Variants in HEPACAM observed in about 807,000 individuals in gnomAD.
The protein encoded by HEPACAM is hepatocyte cell adhesion molecule.
In HEPACAM, 18 loss-of-function variants were observed where a neutral mutation model predicts 38.3. The ratio of observed to expected loss-of-function variants is 0.47; its 90% CI spans 0.33 to 0.70. The LOEUF (loss-of-function observed/expected upper bound fraction) is 0.70, where lower values mean the gene tolerates loss of function less well. HEPACAM is among the 30% of genes least tolerant of loss of function. The probability of loss-of-function intolerance (pLI) is 0.03; values close to 1 mark genes in which losing one functional copy is unlikely to be tolerated. For missense variants in HEPACAM, 466 were observed against 563.0 expected, an observed-to-expected ratio of 0.83 and a Z score of 1.74; for synonymous variants, 216 against 243.1, an observed-to-expected ratio of 0.89 and a Z score of 1.04.
In HEPACAM at chr11:124,924,896, C is replaced by T. The variant is rs142346902; in HGVS notation, c.259G>A (p.Val87Ile). 8.9e-5 allele frequency: 143 copies of T among 1,614,196 alleles called. 1 individual carries two copies. In the African/African-American group the frequency reaches 1.6e-3, roughly 18 times the overall value. The change falls in exon 2 of 7, where the codon GTC (valine) becomes ATC (isoleucine). Residue 87 changes from valine (V) to isoleucine (I), a missense_variant. By Grantham distance (29) the Val-to-Ile change is conservative. Transcript: ENST00000298251. This position sits in a 1 kb window ranked among gnomAD's most constrained non-coding sequence, Gnocchi z 4.4. ...TAGTCAGGCCGCAGGGTGCCGATGA[C>T]CTCTGTGCCAATGGACTGCACCACG... ...VTVVQSIGTE[V>I]IGTLRPDYRD...
In HEPACAM at chr11:124,921,259, G is replaced by A. The variant is rs1420291553; in HGVS notation, c.1130C>T (p.Ser377Leu). The change falls in exon 7 of 7, where the codon TCG (serine) becomes TTG (leucine). Residue 377 changes from serine to leucine, a missense_variant. Physicochemically the swap from Ser to Leu is moderately radical, Grantham distance 145 (BLOSUM62 -2). Coordinates refer to ENST00000298251, the MANE Select transcript of HEPACAM (RefSeq NM_152722.5). The surrounding 1 kb of genome is among the most constrained non-coding windows in gnomAD (Gnocchi z 4.6). ...GGGCGAGCTCGGGGCCCTGGGCGGC[G>A]ACGAGTGTGTCCGGCCGGTGGCTGG... ...RSPATGRTHSSPPRAPSSPGR... is the reference protein window; with the variant it reads ...RSPATGRTHSLPPRAPSSPGR... 5.6e-6 allele frequency: 8 copies of A among 1,418,290 alleles called. No individual in the cohort carries two copies. The highest frequency in any genetic ancestry group is 7.3e-6 in the Non-Finnish European group (8 of 1,091,194). 87.9% of individuals were successfully genotyped at this position (1,418,290 alleles called of 1,614,324 possible).
At position 124,921,531 on chromosome 11, in the gene HEPACAM, G is replaced by T; in HGVS notation, c.949-91C>A. 1 of 850,440 alleles carries T rather than the reference G, an allele frequency of 1.2e-6. No individual in the cohort carries two copies. The highest frequency in any genetic ancestry group is 1.8e-5 in the African/African-American group (1 of 56,948). The allele number at this position is 850,440 out of a possible 1,614,324, so 52.7% of individuals were successfully genotyped here. Reference sequence around the variant, plus strand: ...AGAGCTTGCTGGAATTCCGAGGGGAGGGACCTAGTTTCCCTCTGCACGCCC... The same window carrying T: ...AGAGCTTGCTGGAATTCCGAGGGGATGGACCTAGTTTCCCTCTGCACGCCC... On this transcript the variant is annotated intron_variant, in intron 6 of 6. Transcript: ENST00000298251. This position sits in a 1 kb window ranked among gnomAD's most constrained non-coding sequence, Gnocchi z 4.6.
chr11:124,935,127 T>A (rs1283586601), intron 1 of HEPACAM, among the ~76,000 whole-genome samples: 1 of 152,162 alleles, frequency 6.6e-6, no homozygotes, highest in African/African-American at 2.4e-5. Flanking sequence ...TCCCACACCC[T>A]GTGTCCTACC....
intron 1 of HEPACAM, among the ~76,000 whole-genome samples, chr11:124,933,801 T>C (rs1311290590): frequency 6.6e-6 from 1 of 152,184 alleles, no homozygotes; most frequent in Admixed American, 6.5e-5. Flanking sequence ...ACAACTTCAA[T>C]GGTATTGATC....
intron 1 of HEPACAM, among the ~76,000 whole-genome samples, chr11:124,932,094 G>C (rs1947287161): frequency 6.6e-6 from 1 of 152,210 alleles, no homozygotes; most frequent in Non-Finnish European, 1.5e-5. Flanking sequence ...TAGTATGAGG[G>C]TGATTCTGAG....
chr11:124,926,706 C>T (rs1395726755), intron 1 of HEPACAM, among the ~76,000 whole-genome samples: 1 of 152,130 alleles, frequency 6.6e-6, no homozygotes, highest in African/African-American at 2.4e-5. Flanking sequence ...CTGAAGCTCC[C>T]TCATTCTTTC....
In HEPACAM at chr11:124,924,634, G is replaced by T; in HGVS notation, c.427+94C>A. The T allele has an allele frequency of 8.7e-7, 1 of 1,146,302 alleles. No homozygotes were observed. The allele number at this position is 1,146,302 out of a possible 1,614,324, so 71.0% of individuals were successfully genotyped here. A position where few individuals can be genotyped will look rare whatever the true frequency, so the allele number is the denominator to read the frequency against. The stretch of plus-strand genomic sequence containing the variant: ...ATTCTCAGCTCCCAAGTGCCTTTTG[G>T]GTTGGTTTTCCCTCAGTCTAGCTGG... On this transcript the variant is annotated intron_variant, in intron 2 of 6. Coordinates refer to ENST00000298251, the MANE Select transcript of HEPACAM (RefSeq NM_152722.5). The surrounding 1 kb of genome is among the most constrained non-coding windows in gnomAD (Gnocchi z 4.4).
In HEPACAM at chr11:124,924,789, G is replaced by C; in HGVS notation, c.366C>G (p.Val122=). The change falls in exon 2 of 7, where the codon GTC becomes GTG. Residue 122 remains valine, a synonymous_variant. Coordinates refer to ENST00000298251, the MANE Select transcript of HEPACAM (RefSeq NM_152722.5). This position sits in a 1 kb window ranked among gnomAD's most constrained non-coding sequence, Gnocchi z 4.4. ...AGGTGTCGTCGGTGATGGAGATCTC[G>C]ACCTCATAGGTGCCCTCATCGGCCA... ...LQLADEGTYE[V]EISITDDTFT... 6.2e-7 allele frequency: 1 copy of C among 1,614,066 alleles called. No homozygotes were observed. The highest frequency in any genetic ancestry group is 8.5e-7 in the Non-Finnish European group (1 of 1,180,010).
Position 124,919,450 on chromosome 11 carries a change from C to A in HEPACAM, c.*1688G>T. On this transcript the variant is annotated 3_prime_UTR_variant, in exon 7 of 7. Transcript: ENST00000298251. ...TCAGCACCAGGGTATGGCATGTTCT[C>A]ATCTCACCCTAACCTTCACCTGTGC... 1 of 405,530 alleles carries A rather than the reference C, an allele frequency of 2.5e-6. No homozygotes were observed. The highest frequency in any genetic ancestry group is 4.5e-6 in the Non-Finnish European group (1 of 223,092). The allele number at this position is 405,530 out of a possible 1,614,324, so 25.1% of individuals were successfully genotyped here.
In HEPACAM at chr11:124,921,224, G is replaced by A; in HGVS notation, c.1165C>T (p.Arg389Cys). ...GTCCGCAGTGTGCGCGAGGCGCTGCGCGAGCGGCCGGGCGAGCTCGGGGCC... is the reference window on the plus strand; with the variant it reads ...GTCCGCAGTGTGCGCGAGGCGCTGCACGAGCGGCCGGGCGAGCTCGGGGCC... ...PRAPSSPGRS[R>C]SASRTLRTAG... The change falls in exon 7 of 7, where the codon CGC becomes TGC. Residue 389 changes from arginine (R) to cysteine (C), a missense_variant. Coordinates refer to ENST00000298251, the MANE Select transcript of HEPACAM (RefSeq NM_152722.5). This position sits in a 1 kb window ranked among gnomAD's most constrained non-coding sequence, Gnocchi z 4.6. 1 of 1,474,894 alleles carries A rather than the reference G, an allele frequency of 6.8e-7. No homozygotes were observed. Among genetic ancestry groups the A allele is most frequent in the Non-Finnish European group, 8.9e-7 (1 of 1,119,440 alleles). 91.4% of individuals were successfully genotyped at this position (1,474,894 alleles called of 1,614,324 possible). A position where few individuals can be genotyped will look rare whatever the true frequency, so the allele number is the denominator to read the frequency against.
intron 1 of HEPACAM, among the ~76,000 whole-genome samples, chr11:124,935,034 C>T (rs1205925610): frequency 1.3e-5 from 2 of 152,134 alleles, no homozygotes; most frequent in African/African-American, 4.8e-5. Context: ...AACCCTAACA[C>T]CCACTTATAC....
At chr11:124,929,635 TC>T (rs1191558573) in intron 1 of HEPACAM, among the ~76,000 whole-genome samples, 1 of 152,090 alleles carries the variant, frequency 6.6e-6, no homozygotes, top group Non-Finnish European at 1.5e-5. Flanking sequence ...AAGTTTCTCT[TC>T]CCACCAGAGG....
chr11:124,924,109 C>T lies in HEPACAM; in HGVS notation c.428-99G>A. The T allele has an allele frequency of 3.5e-6, 4 of 1,140,622 alleles. No individual in the cohort carries two copies. Among genetic ancestry groups the T allele is most frequent in the African/African-American group, 1.5e-5 (1 of 65,498 alleles). 70.7% of individuals were successfully genotyped at this position (1,140,622 alleles called of 1,614,324 possible). A position where few individuals can be genotyped will look rare whatever the true frequency, so the allele number is the denominator to read the frequency against. On this transcript the variant is annotated intron_variant, in intron 2 of 6. Transcript: ENST00000298251. This position sits in a 1 kb window ranked among gnomAD's most constrained non-coding sequence, Gnocchi z 4.4. ...CCTTCCAACACACCTTTAACACTAC[C>T]TTCCAACTCAATCTGTGGGCTGAGA...
Position 124,924,799 on chromosome 11 carries a change from G to C in HEPACAM, c.356C>G (p.Thr119Ser). The change falls in exon 2 of 7, where the codon ACC becomes AGC. Residue 119 changes from threonine to serine, a missense_variant. Thr to Ser is a moderately conservative substitution (Grantham distance 58). Coordinates refer to ENST00000298251, the MANE Select transcript of HEPACAM (RefSeq NM_152722.5). The surrounding 1 kb of genome is among the most constrained non-coding windows in gnomAD (Gnocchi z 4.4). The part of the protein sequence containing the change: ...LSDLQLADEG[T>S]YEVEISITDD... ...GGTGATGGAGATCTCGACCTCATAG[G>C]TGCCCTCATCGGCCAGCTGCAGGTC... 6.2e-7 allele frequency: 1 copy of C among 1,614,146 alleles called. No individual in the cohort carries two copies. Among genetic ancestry groups the C allele is most frequent in the Non-Finnish European group, 8.5e-7 (1 of 1,180,032 alleles).
chr11:124,919,634 A>C lies in HEPACAM; in HGVS notation c.*1504T>G. 2 of 1,176,916 alleles carry C rather than the reference A, an allele frequency of 1.7e-6. No individual in the cohort carries two copies. Among genetic ancestry groups the C allele is most frequent in the South Asian group, 3.0e-5 (2 of 66,490 alleles). The allele number at this position is 1,176,916 out of a possible 1,614,324, so 72.9% of individuals were successfully genotyped here. On this transcript the variant is annotated 3_prime_UTR_variant, in exon 7 of 7. Coordinates refer to ENST00000298251, the MANE Select transcript of HEPACAM (RefSeq NM_152722.5). The stretch of plus-strand genomic sequence containing the variant: ...CACACCTGCTCAAATGAGCCTGGGG[A>C]AGTGCCGAGGGACAGGGAGCTGAGA...
chr11:124,935,527 A>G (rs1045948898), intron 1 of HEPACAM, among the ~76,000 whole-genome samples: 4 of 152,082 alleles, frequency 2.6e-5, no homozygotes, highest in Admixed American at 1.3e-4. Flanking sequence ...GAGAAGCCAG[A>G]GTCGGGGGCT....
intron 1 of HEPACAM, 95 bp from the exon 2 acceptor site, chr11:124,925,164 G>A (rs1947191753): frequency 6.3e-6 from 6 of 945,240 alleles, no homozygotes; most frequent in South Asian, 5.3e-5. Flanking sequence ...CCAAAGCTTC[G>A]CCTCTCTGGC....
At chr11:124,932,619 G>C (rs1408069051) in intron 1 of HEPACAM, among the ~76,000 whole-genome samples, 6 of 152,078 alleles carry the variant, frequency 3.9e-5, no homozygotes, top group Non-Finnish European at 7.4e-5. Flanking sequence ...GGGAGGCAGG[G>C]CCACATGGTC....
Position 124,921,371 on chromosome 11 carries a change from A to T in HEPACAM, c.1018T>A (p.Tyr340Asn). 7.9e-7 allele frequency: 1 copy of T among 1,272,360 alleles called. No homozygotes were observed. The highest frequency in any genetic ancestry group is 9.9e-7 in the Non-Finnish European group (1 of 1,012,458). The allele number at this position is 1,272,360 out of a possible 1,614,324, so 78.8% of individuals were successfully genotyped here. A position where few individuals can be genotyped will look rare whatever the true frequency, so the allele number is the denominator to read the frequency against. ...CCGGGCACGGCGGGAGACACGGAGT[A>T]GCCGGGCGGGCCGGGCTCCGTCGCG... ...RSATEPGPPG[Y>N]SVSPAVPGRS... is the part of the protein sequence containing the mutation. The change falls in exon 7 of 7, where the codon TAC becomes AAC. Residue 340 changes from tyrosine (Y) to asparagine (N), a missense_variant. Tyr to Asn is a moderately radical substitution (Grantham distance 143). Coordinates refer to ENST00000298251, the MANE Select transcript of HEPACAM (RefSeq NM_152722.5). This position sits in a 1 kb window ranked among gnomAD's most constrained non-coding sequence, Gnocchi z 4.6.
Sources: gnomAD v4.1 joint callset for allele counts (sites outside exome capture counted in the v4.1 genomes callset) on GRCh38, gnomAD v4.1.1 for gene constraint, Gnocchi (gnomAD v3.1) non-coding constraint, MANE v1.5 for transcripts, NCBI Gene and HGNC (gene_info 2026-07-23, HGNC 2026-07-21) for gene names.